The following FAT3 variants were observed in gnomAD, a reference collection of about 807,000 sequenced individuals.
The protein encoded by FAT3 is protocadherin Fat 3.
In FAT3, 95 loss-of-function variants were observed where a neutral mutation model predicts 310.2. The observed-to-expected ratio is 0.31, with a 90% confidence interval of 0.26 to 0.36. The LOEUF (loss-of-function observed/expected upper bound fraction) is 0.36. Ranked by LOEUF, FAT3 falls within the 10% of genes least tolerant of loss-of-function variation. The probability of loss-of-function intolerance (pLI) is 1.00; values close to 1 mark genes in which losing one functional copy is unlikely to be tolerated. For synonymous variants in FAT3, 2,314 were observed against 2,192.9 expected, an observed-to-expected ratio of 1.06 and a Z score of -1.54; for missense variants, 5,408 against 5,715.6, an observed-to-expected ratio of 0.95 and a Z score of 1.74.
rs1344550772 is a variant in FAT3, at chr11:92,813,738, T to C, written c.9481+3662T>C. Among the ~76,000 whole-genome samples the C allele has an allele frequency of 2.6e-5, 4 of 152,234 alleles. No individual in the cohort carries two copies. In the East Asian group the frequency reaches 7.7e-4, roughly 29 times the overall value. On this transcript the variant is annotated intron_variant, in intron 13 of 27. Transcript: ENST00000525166. ...ATTCTCTTAAGATTCATCCAAGTTG[T>C]CTAATTGGTTTTTGATCCTGCTGAA...
intron 7 of FAT3, among the ~76,000 whole-genome samples, chr11:92,779,975 T>C (rs1210120458): frequency 6.6e-6 from 1 of 152,014 alleles, no homozygotes. Flanking sequence ...ACCAGGGGCC[T>C]CCGTTCTACA....
intron 4 of FAT3, among the ~76,000 whole-genome samples, chr11:92,701,016 A>G (rs1011188663): frequency 6.6e-5 from 10 of 152,190 alleles, no homozygotes; most frequent in African/African-American, 2.2e-4. Flanking sequence ...GTTATACACA[A>G]AATTTTGAAA....
chr11:92,779,892 G>A (rs1946698436), intron 7 of FAT3, among the ~76,000 whole-genome samples: 1 of 152,126 alleles, frequency 6.6e-6, no homozygotes, highest in Non-Finnish European at 1.5e-5. Flanking sequence ...GAATATGAAA[G>A]CAGCAACATG....
intron 2 of FAT3, among the ~76,000 whole-genome samples, chr11:92,471,915 C>CTATATATATATATATATATATA (rs140886151): frequency 8.0e-6 from 1 of 124,940 alleles, no homozygotes; most frequent in Non-Finnish European, 1.6e-5. Flanking sequence ...TTTTCATATG[C>CTATATATATATATATATATATA]TATATATATA....
Position 92,354,185 on chromosome 11 carries a change from G to A in FAT3, c.2073G>A (p.Lys691=). ...FSCRETRVAQ[K]LAEKLLIKAK... ...GCAGAGAAACTCGTGTGGCTCAAAA[G>A]CTGGCAGAGAAACTACTCATTAAGG... is the stretch of plus-strand genomic sequence containing the variant. Residue 691 remains lysine, a synonymous_variant, in exon 2 of 28, where the codon AAG becomes AAA. Coordinates refer to ENST00000525166, the MANE Select transcript of FAT3 (RefSeq NM_001367949.2). 1.2e-6 allele frequency: 2 copies of A among 1,613,874 alleles called. No homozygotes were observed. The highest frequency in any genetic ancestry group is 2.2e-5 in the South Asian group (2 of 91,084).
At chr11:92,589,760 C>T (rs1253204893) in intron 3 of FAT3, among the ~76,000 whole-genome samples, 1 of 152,068 alleles carries the variant, frequency 6.6e-6, no homozygotes, top group African/African-American at 2.4e-5. Context: ...ATATGACACA[C>T]ATAACTGAAG....
intron 3 of FAT3, among the ~76,000 whole-genome samples, chr11:92,581,300 C>T (rs1938784673): frequency 6.6e-6 from 1 of 152,026 alleles, no homozygotes; most frequent in South Asian, 2.1e-4. Flanking sequence ...CCTGTCTAGA[C>T]AGCTTCTCTG....
chr11:92,765,510 G>T (rs1336376934), intron 6 of FAT3, among the ~76,000 whole-genome samples: 1 of 152,024 alleles, frequency 6.6e-6, no homozygotes, highest in African/African-American at 2.4e-5. Flanking sequence ...CTTCAAGGTG[G>T]CAAGCATGCT....
intron 16 of FAT3, 40 bp from the exon 17 acceptor site, chr11:92,837,623 C>A (rs369437686): frequency 6.2e-7 from 1 of 1,609,424 alleles, no homozygotes; most frequent in Non-Finnish European, 8.5e-7. Context: ...AGGAAGGAAG[C>A]GCTACACCTC....
intron 2 of FAT3, among the ~76,000 whole-genome samples, chr11:92,471,541 T>C (rs1951903069): frequency 6.6e-6 from 1 of 152,122 alleles, no homozygotes; most frequent in South Asian, 2.1e-4. Context: ...AATTTGGCTA[T>C]AAATAAATGG....
chr11:92,376,202 A>T (rs1949339620), intron 2 of FAT3, among the ~76,000 whole-genome samples: 1 of 152,140 alleles, frequency 6.6e-6, no homozygotes. Context: ...GGGATGTGGC[A>T]AAGTCTCCCC....
chr11:92,888,684 C>T (rs1043718605), intron 25 of FAT3, among the ~76,000 whole-genome samples: 2 of 152,166 alleles, frequency 1.3e-5, no homozygotes, highest in African/African-American at 4.8e-5. Flanking sequence ...GGCCTTGGGT[C>T]GTTCTGGGCT....
chr11:92,695,182 T>G (rs1337354874), intron 3 of FAT3, among the ~76,000 whole-genome samples: 1 of 152,040 alleles, frequency 6.6e-6, no homozygotes, highest in Non-Finnish European at 1.5e-5. Context: ...TCAGAAGAAG[T>G]AAGGTCAATA....
intron 3 of FAT3, among the ~76,000 whole-genome samples, chr11:92,651,563 C>CT (rs201119588): frequency 2.0e-5 from 3 of 152,034 alleles, no homozygotes; most frequent in East Asian, 1.9e-4. Flanking sequence ...AGTTGAGACA[C>CT]TTTTTTTTGT....
At position 92,232,633 on chromosome 11, in the gene FAT3, T is replaced by A. The variant is rs980309699; in HGVS notation, c.-18+7459T>A. On this transcript the variant is annotated intron_variant, in intron 1 of 27. Transcript: ENST00000525166. The stretch of plus-strand genomic sequence containing the variant: ...TTCTTGACTTCAGTGATGTCGTTTT[T>A]TTTTTTTTTTTTTTTTTTTTTGTTT... Among the ~76,000 whole-genome samples the A allele has an allele frequency of 1.6e-4, 17 of 108,972 alleles. 1 individual carries two copies. The highest frequency in any genetic ancestry group is 1.2e-3 in the East Asian group (3 of 2,442). 71.5% of individuals were successfully genotyped at this position (108,972 alleles called of 152,430 possible). A position where few individuals can be genotyped will look rare whatever the true frequency, so the allele number is the denominator to read the frequency against.
intron 1 of FAT3, among the ~76,000 whole-genome samples, chr11:92,257,457 G>A (rs1451205003): frequency 1.3e-5 from 2 of 151,992 alleles, no homozygotes; most frequent in Non-Finnish European, 2.9e-5. Flanking sequence ...ATCTTGAATT[G>A]GTCTCTTGGG....
At chr11:92,813,150 A>G (rs187119500) in intron 13 of FAT3, among the ~76,000 whole-genome samples, 2 of 152,270 alleles carry the variant, frequency 1.3e-5, no homozygotes, top group African/African-American at 2.4e-5. Flanking sequence ...TTTTCCCTTT[A>G]TAAATTACCC....
intron 22 of FAT3, among the ~76,000 whole-genome samples, chr11:92,877,928 T>C (rs1329927948): frequency 6.6e-6 from 1 of 152,214 alleles, no homozygotes; most frequent in East Asian, 1.9e-4. Flanking sequence ...CCAAACATTA[T>C]AGCTTAGCCT....
At chr11:92,713,510 A>G (rs992650740) in intron 4 of FAT3, among the ~76,000 whole-genome samples, 2 of 152,192 alleles carry the variant, frequency 1.3e-5, no homozygotes, top group African/African-American at 4.8e-5. Flanking sequence ...GTTTCTGGAT[A>G]TGCAAAGTTA....
Sources: allele counts gnomAD v4.1 joint callset (sites outside exome capture counted in the v4.1 genomes callset), GRCh38; gene constraint gnomAD v4.1.1; transcripts MANE v1.5; gene names NCBI Gene and HGNC (gene_info 2026-07-23, HGNC 2026-07-21).